The following THSD7B variants were observed in gnomAD, a reference collection of about 807,000 sequenced individuals.
The protein encoded by THSD7B is thrombospondin type 1 domain containing 7B.
A neutral mutation model predicts 213.6 loss-of-function variants in THSD7B; 138 were observed. That is an observed-to-expected ratio of 0.65 (90% CI 0.56 to 0.74). The LOEUF (loss-of-function observed/expected upper bound fraction) is 0.74, where lower values mean the gene tolerates loss of function less well. THSD7B is among the 30% of genes least tolerant of loss of function. The probability of loss-of-function intolerance (pLI) is 0.00; values close to 1 mark genes in which losing one functional copy is unlikely to be tolerated. For synonymous variants in THSD7B, 742 were observed against 687.0 expected, an observed-to-expected ratio of 1.08 and a Z score of -1.25; for missense variants, 1,931 against 1,991.5, an observed-to-expected ratio of 0.97 and a Z score of 0.58.
intron 10 of THSD7B, among the ~76,000 whole-genome samples, chr2:137,268,144 T>C (rs1326306197): frequency 6.6e-6 from 1 of 151,826 alleles, no homozygotes; most frequent in Non-Finnish European, 1.5e-5. Flanking sequence ...AAGAGAGGAT[T>C]CTTTATTTTA....
At chr2:137,539,830 T>G (rs1680577932) in intron 15 of THSD7B, among the ~76,000 whole-genome samples, 2 of 151,630 alleles carry the variant, frequency 1.3e-5, no homozygotes, top group South Asian at 4.1e-4. Context: ...TGACTTAAAG[T>G]CATTTTCTTT....
chr2:137,329,610 C>T (rs1684448929), intron 12 of THSD7B, among the ~76,000 whole-genome samples: 1 of 152,096 alleles, frequency 6.6e-6, no homozygotes, highest in Admixed American at 6.5e-5. Flanking sequence ...CGTGATCTGC[C>T]CACCTTGGCC....
rs373463449 is a variant in THSD7B, at chr2:137,233,445, T to G, written c.2150+312T>G. Among the ~76,000 whole-genome samples, 9 of 152,224 alleles carry G rather than the reference T, an allele frequency of 5.9e-5. No individual in the cohort carries two copies. The East Asian group carries it at 1.7e-3, about 29-fold the overall frequency. On this transcript the variant is annotated intron_variant, in intron 9 of 27. Transcript: ENST00000409968. The stretch of plus-strand genomic sequence containing the variant: ...GAGCTGATCTCTGTATTTTTTACTC[T>G]TCTCAAATCACATAAAGACGAGGTC...
At chr2:137,129,677 G>A (rs1419860630) in intron 5 of THSD7B, among the ~76,000 whole-genome samples, 2 of 152,108 alleles carry the variant, frequency 1.3e-5, no homozygotes, top group Admixed American at 1.3e-4. Flanking sequence ...TTGGCCTCAA[G>A]CGATCCTCCT....
chr2:137,185,649 G>C (rs1211324851), intron 7 of THSD7B, among the ~76,000 whole-genome samples: 4 of 152,078 alleles, frequency 2.6e-5, no homozygotes, highest in African/African-American at 9.7e-5. Context: ...CCTTTGATGG[G>C]CATCTAGGTT....
chr2:136,968,951 CAATATT>C (rs1685363677), intron 2 of THSD7B, among the ~76,000 whole-genome samples: 1 of 152,010 alleles, frequency 6.6e-6, no homozygotes, highest in African/African-American at 2.4e-5. Flanking sequence ...ACTAAATAAA[CAATATT>C]AATATAATTC....
At chr2:137,509,764 T>G (rs1019088964) in intron 15 of THSD7B, among the ~76,000 whole-genome samples, 4 of 152,212 alleles carry the variant, frequency 2.6e-5, no homozygotes, top group African/African-American at 9.6e-5. Context: ...TGTGCCTCTT[T>G]GCAATCACTG....
rs573306238 is a variant in THSD7B at position 137,310,986 on chromosome 2, G to A, written c.2500+34960G>A. Among the ~76,000 whole-genome samples the A allele has an allele frequency of 3.9e-4, 59 of 150,806 alleles. 2 individuals are homozygous for A. The highest frequency in any genetic ancestry group is 5.3e-4 in the Non-Finnish European group (36 of 67,822). ...TGGCTCAGGATTGACTTGGTGATGC[G>A]GGCTCTTTTTTGCTTCCATATGAAC... On this transcript the variant is annotated intron_variant, in intron 12 of 27. Transcript: ENST00000409968.
At position 137,483,754 on chromosome 2, in the gene THSD7B, A is replaced by G. The variant is rs141815951; in HGVS notation, c.3138+32731A>G. ...GGAGGCTTTCTGGGCAGGAGAAAGT[A>G]CAAAGACCCAGAAGCCCCCGCTGGT... On this transcript the variant is annotated intron_variant, in intron 15 of 27. Coordinates refer to ENST00000409968, the MANE Select transcript of THSD7B (RefSeq NM_001316349.2). 6.8e-3 allele frequency among the ~76,000 whole-genome samples: 1,038 copies of G among 152,320 alleles called. 9 individuals carry two copies. Among genetic ancestry groups the G allele is most frequent in the African/African-American group, 0.024 (982 of 41,568 alleles).
intron 17 of THSD7B, among the ~76,000 whole-genome samples, chr2:137,597,857 A>T (rs969254811): frequency 1.3e-5 from 2 of 152,166 alleles, no homozygotes; most frequent in Non-Finnish European, 2.9e-5. Flanking sequence ...AAAGATTATT[A>T]AAATTGTAAT....
intron 2 of THSD7B, among the ~76,000 whole-genome samples, chr2:136,897,132 A>C (rs946847403): frequency 6.6e-6 from 1 of 152,010 alleles, no homozygotes; most frequent in African/African-American, 2.4e-5. Flanking sequence ...ATTAAAAAAA[A>C]ATTTGTAGAG....
chr2:137,231,343 G>A (rs967255158), intron 8 of THSD7B, 108 bp downstream of exon 8: 13 of 1,055,064 alleles, frequency 1.2e-5, no homozygotes, highest in African/African-American at 4.8e-5. Flanking sequence ...ACACATAGAC[G>A]ATATCTCTAT....
chr2:137,006,465 CA>C (rs1193171079), intron 2 of THSD7B, among the ~76,000 whole-genome samples: 1 of 151,990 alleles, frequency 6.6e-6, no homozygotes, highest in Non-Finnish European at 1.5e-5. Flanking sequence ...ATATGAAAAG[CA>C]TATACATTTG....
At chr2:137,133,333 GT>G (rs1688775924) in intron 5 of THSD7B, among the ~76,000 whole-genome samples, 1 of 152,070 alleles carries the variant, frequency 6.6e-6, no homozygotes, top group Non-Finnish European at 1.5e-5. Flanking sequence ...GTTATGCAGA[GT>G]TTGAAAGAGG....
At chr2:137,541,964 A>G (rs1680618749) in intron 15 of THSD7B, among the ~76,000 whole-genome samples, 1 of 151,594 alleles carries the variant, frequency 6.6e-6, no homozygotes. Flanking sequence ...TCTATGGGAC[A>G]TTATCAAGTT....
Position 137,149,693 on chromosome 2 carries a change from T to G in THSD7B, c.1370-10520T>G, listed in dbSNP as rs530287898. On this transcript the variant is annotated intron_variant, in intron 5 of 27. Coordinates refer to ENST00000409968, the MANE Select transcript of THSD7B (RefSeq NM_001316349.2). ...GAGCTTTAAGATTTGACTGCCCCTG[T>G]GGATTTCAGACTTGCATGGGGCCTG... 1.2e-4 allele frequency among the ~76,000 whole-genome samples: 19 copies of G among 152,342 alleles called. No homozygotes were observed. In the South Asian group the frequency reaches 3.9e-3, roughly 32 times the overall value.
chr2:137,613,168 C>T (rs1012957951), intron 17 of THSD7B, among the ~76,000 whole-genome samples: 1 of 152,112 alleles, frequency 6.6e-6, no homozygotes, highest in Non-Finnish European at 1.5e-5. Context: ...GCTTGTTTTC[C>T]ACCTTCATAG....
intron 20 of THSD7B, among the ~76,000 whole-genome samples, chr2:137,634,841 G>A (rs1362666643): frequency 6.6e-6 from 1 of 152,162 alleles, no homozygotes; most frequent in African/African-American, 2.4e-5. Flanking sequence ...AGGGAAGTTT[G>A]ACTACTGCCT....
chr2:137,419,949 T>A (rs1306412289), intron 14 of THSD7B, among the ~76,000 whole-genome samples: 1 of 152,190 alleles, frequency 6.6e-6, no homozygotes, highest in Non-Finnish European at 1.5e-5. Context: ...TTATGTCTCT[T>A]GAATATATAC....
Sources: gnomAD v4.1 joint callset for allele counts (sites outside exome capture counted in the v4.1 genomes callset) on GRCh38, gnomAD v4.1.1 for gene constraint, MANE v1.5 for transcripts, NCBI Gene and HGNC (gene_info 2026-07-23, HGNC 2026-07-21) for gene names.